Variants in TMEM74 observed in about 807,000 individuals in gnomAD.
The protein encoded by TMEM74 is transmembrane protein 74.
Under a neutral mutation model 18.1 loss-of-function variants are expected in TMEM74, and 13 were observed. The observed-to-expected ratio is 0.72, with a 90% CI of 0.47 to 1.14. TMEM74 has a LOEUF of 1.14. TMEM74 is among the 50% of genes most tolerant of loss of function. The pLI is 0.00. For synonymous variants in TMEM74, 159 were observed against 146.6 expected (o/e 1.08, Z -0.61); for missense variants, 372 against 375.9 (o/e 0.99, Z 0.09).
chr8:108,747,303 CAAAT>C (rs1245000326), intron 1 of TMEM74, among the ~76,000 whole-genome samples: 1 of 151,826 alleles, frequency 6.6e-6, no homozygotes, highest in Non-Finnish European at 1.5e-5. Context: ...TATAGTGAAA[CAAAT>C]AAGAGTTTTC....
intron 1 of TMEM74, among the ~76,000 whole-genome samples, chr8:108,767,229 G>T (rs1380958184): frequency 1.3e-5 from 2 of 152,068 alleles, no homozygotes; most frequent in Non-Finnish European, 2.9e-5. Context: ...ACTCATCAGA[G>T]AATTCAACAA....
chr8:108,717,795 A>C (rs1813540962), intron 1 of TMEM74, among the ~76,000 whole-genome samples: 1 of 152,024 alleles, frequency 6.6e-6, no homozygotes, highest in Admixed American at 6.6e-5. Context: ...GCAGGAGGTA[A>C]GTGTGCCTTG....
At chr8:108,640,369 C>T (rs1161352993) in intron 2 of TMEM74, among the ~76,000 whole-genome samples, 1 of 151,968 alleles carries the variant, frequency 6.6e-6, no homozygotes, top group East Asian at 1.9e-4. Flanking sequence ...CTGCCTCGGC[C>T]TCCCAAAGTG....
chr8:108,672,026 G>T (rs939939197), intron 1 of TMEM74, among the ~76,000 whole-genome samples: 2 of 152,080 alleles, frequency 1.3e-5, no homozygotes, highest in African/African-American at 4.8e-5. Flanking sequence ...CCCCTTATTT[G>T]TACTAGAGAA....
chr8:108,770,701 T>A (rs549334301), intron 1 of TMEM74, among the ~76,000 whole-genome samples: 2 of 152,292 alleles, frequency 1.3e-5, no homozygotes, highest in African/African-American at 4.8e-5. Context: ...AGTACTTGGA[T>A]TATGTCTCAG....
At chr8:108,642,831 T>C (rs1812679047) in intron 2 of TMEM74, among the ~76,000 whole-genome samples, 1 of 152,200 alleles carries the variant, frequency 6.6e-6, no homozygotes, top group Non-Finnish European at 1.5e-5. Context: ...AGGCCTATTA[T>C]ATCATGAAAA....
chr8:108,689,692 C>T (rs1813205607), intron 1 of TMEM74, among the ~76,000 whole-genome samples: 1 of 152,156 alleles, frequency 6.6e-6, no homozygotes, highest in Non-Finnish European at 1.5e-5. Flanking sequence ...AAATCAATGT[C>T]CATTTGTGCG....
chr8:108,720,684 CAAAT>C (rs1191491484), intron 1 of TMEM74, among the ~76,000 whole-genome samples: 1 of 152,240 alleles, frequency 6.6e-6, no homozygotes, highest in African/African-American at 2.4e-5. Context: ...ATAAAGTTGT[CAAAT>C]AAGTAAAATG....
chr8:108,700,130 G>GGGGT (rs145591230), intron 1 of TMEM74, among the ~76,000 whole-genome samples: 16 of 143,076 alleles, frequency 1.1e-4, no homozygotes, highest in African/African-American at 4.2e-4. Flanking sequence ...GGCCATAAAT[G>GGGGT]GTGTGTGTGT....
intron 1 of TMEM74, among the ~76,000 whole-genome samples, chr8:108,726,899 G>T (rs1312705149): frequency 6.6e-6 from 1 of 152,142 alleles, no homozygotes. Flanking sequence ...GCTGGTGCAG[G>T]GGTAGGAACA....
intron 1 of TMEM74, among the ~76,000 whole-genome samples, chr8:108,751,567 G>T (rs1813904620): frequency 6.6e-6 from 1 of 152,110 alleles, no homozygotes. Flanking sequence ...AAAATCAATA[G>T]CTGTATGTTA....
chr8:108,739,948 C>T (rs529234562), intron 1 of TMEM74, among the ~76,000 whole-genome samples: 1 of 152,018 alleles, frequency 6.6e-6, no homozygotes, highest in Non-Finnish European at 1.5e-5. Flanking sequence ...GTGAAGGCCC[C>T]GAGCTCTGGG....
intron 1 of TMEM74, among the ~76,000 whole-genome samples, chr8:108,722,388 T>A (rs1471068412): frequency 6.6e-6 from 1 of 152,198 alleles, no homozygotes; most frequent in African/African-American, 2.4e-5. Flanking sequence ...TGCTCTAAAG[T>A]GGCTTGCTAT....
rs1459874959 is a variant in TMEM74, at chr8:108,770,750, G to A, written n.119+16726C>T. ...TATTAACATATTATATTTACAGGAA[G>A]CAGTCTCATTTTTGTGGCTCCTTTA... On this transcript the variant is annotated intron_variant and non_coding_transcript_variant, in intron 1 of 3. Coordinates refer to the TMEM74 transcript ENST00000518838. Among the ~76,000 whole-genome samples, 7 of 152,282 alleles carry A rather than the reference G, an allele frequency of 4.6e-5. No homozygotes were observed. The East Asian group carries it at 1.2e-3, about 25-fold the overall frequency.
intron 1 of TMEM74, among the ~76,000 whole-genome samples, chr8:108,755,827 AT>A: frequency 6.6e-6 from 1 of 152,224 alleles, no homozygotes; most frequent in African/African-American, 2.4e-5. Context: ...AACAATGTAA[AT>A]TTATTGCCAT....
intron 1 of TMEM74, among the ~76,000 whole-genome samples, chr8:108,708,108 C>G (rs560296529): frequency 8.5e-5 from 13 of 152,136 alleles, no homozygotes; most frequent in Non-Finnish European, 1.5e-4. Context: ...CTCCCACTTA[C>G]AAGTGAGAAC....
At chr8:108,627,725 G>C (rs1317015615) in intron 2 of TMEM74, among the ~76,000 whole-genome samples, 1 of 151,976 alleles carries the variant, frequency 6.6e-6, no homozygotes, top group African/African-American at 2.4e-5. Flanking sequence ...GAGACCCATA[G>C]TGAGGGGAAT....
chr8:108,785,967 A>T (rs1460386314), intron 1 of TMEM74, among the ~76,000 whole-genome samples: 3 of 151,844 alleles, frequency 2.0e-5, no homozygotes, highest in Non-Finnish European at 1.5e-5. Context: ...CCACACACAC[A>T]CCTGCCTGCT....
Position 108,695,670 on chromosome 8 carries a change from C to T in TMEM74, n.120-40233G>A, listed in dbSNP as rs185834024. Among the ~76,000 whole-genome samples, 613 of 152,256 alleles carry T rather than the reference C, an allele frequency of 4.0e-3. 1 individual carries two copies. Among genetic ancestry groups the T allele is most frequent in the South Asian group, 0.03 (145 of 4,816 alleles). On this transcript the variant is annotated intron_variant and non_coding_transcript_variant, in intron 1 of 3. Coordinates refer to the TMEM74 transcript ENST00000518838. ...CTATCCACTGTAGCACACTACACCC[C>T]ACCTTGATCTTCTCCCAATTTGTGT...
Sources: allele counts gnomAD v4.1 joint callset (sites outside exome capture counted in the v4.1 genomes callset), GRCh38; gene constraint gnomAD v4.1.1; transcripts MANE v1.5; gene names NCBI Gene and HGNC (gene_info 2026-07-23, HGNC 2026-07-21).